ARID2: variants seen among roughly 807,000 people sequenced by gnomAD.
ARID2 encodes the protein AT-rich interactive domain-containing protein 2.
ARID2 carries 32 observed loss-of-function variants against 184.6 expected under a neutral mutation model. The observed-to-expected ratio is 0.17, with a 90% CI of 0.13 to 0.23. The LOEUF (loss-of-function observed/expected upper bound fraction) is 0.23. Among genes scored for constraint, ARID2 ranks in the 10% least tolerant of loss-of-function variants. ARID2 has a pLI of 1.00. For synonymous variants in ARID2, 836 were observed against 772.6 expected, an observed-to-expected ratio of 1.08 and a Z score of -1.36; for missense variants, 1,696 against 2,197.6, an observed-to-expected ratio of 0.77 and a Z score of 4.56.
intron 16 of ARID2, among the ~76,000 whole-genome samples, chr12:45,872,228 T>C (rs12319648): frequency 0.021 from 3,246 of 152,272 alleles, 123 homozygotes; most frequent in African/African-American, 0.074. Context: ...TTATTTTAGA[T>C]CTTTCTTCTT....
chr12:45,866,142 C>T (rs1943828832), intron 16 of ARID2, among the ~76,000 whole-genome samples: 1 of 151,878 alleles, frequency 6.6e-6, no homozygotes, highest in South Asian at 2.1e-4. Context: ...ATATGTAATA[C>T]TCATTAATAT....
intron 10 of ARID2, 114 bp downstream of exon 10, chr12:45,837,821 A>G: frequency 1.2e-6 from 1 of 860,098 alleles, no homozygotes; most frequent in African/African-American, 1.7e-5. Flanking sequence ...TTGAAGAGTC[A>G]TTACCTCCTC....
In ARID2 at chr12:45,850,661, T is replaced by A; in HGVS notation, c.2538T>A (p.Val846=). The part of the protein sequence containing the change: ...TSAGSQSQDT[V]IIAPPQYVTT... Reference sequence around the variant, plus strand: ...CTGGTAGCCAGTCACAAGATACTGTTATCATAGCACCCCCACAGTATGTAA... The same window carrying A: ...CTGGTAGCCAGTCACAAGATACTGTAATCATAGCACCCCCACAGTATGTAA... Residue 846 remains valine (V), a synonymous_variant, in exon 15 of 21, where the codon GTT becomes GTA. Transcript: ENST00000334344. The A allele has an allele frequency of 6.2e-7, 1 of 1,614,180 alleles. No homozygotes were observed. The highest frequency in any genetic ancestry group is 1.3e-5 in the African/African-American group (1 of 75,046).
intron 3 of ARID2, among the ~76,000 whole-genome samples, chr12:45,789,977 G>T (rs183857239): frequency 6.6e-6 from 1 of 152,016 alleles, no homozygotes; most frequent in Non-Finnish European, 1.5e-5. Context: ...AAAACAAAAC[G>T]ATTTTGTCTT....
At chr12:45,896,108 C>T (rs549806074) in intron 20 of ARID2, among the ~76,000 whole-genome samples, 6 of 152,260 alleles carry the variant, frequency 3.9e-5, no homozygotes, top group South Asian at 4.1e-4. Context: ...GTGAGTGACA[C>T]GAGGTGAGGG....
At position 45,778,119 on chromosome 12, in the gene ARID2, A is replaced by G. The variant is rs960509814; in HGVS notation, c.285-33299A>G. Among the ~76,000 whole-genome samples, 6 of 152,154 alleles carry G rather than the reference A, an allele frequency of 3.9e-5. No homozygotes were observed. In the South Asian group the frequency reaches 1.2e-3, roughly 32 times the overall value. ...TTCTCAGGGGGGCCGGGGCAGTGGA[A>G]TCGCTTGAACCCGGGAGGCAGAGTT... On this transcript the variant is annotated intron_variant, in intron 3 of 20. Coordinates refer to ENST00000334344, the MANE Select transcript of ARID2 (RefSeq NM_152641.4).
At chr12:45,804,743 T>C (rs1379894448) in intron 3 of ARID2, among the ~76,000 whole-genome samples, 2 of 152,076 alleles carry the variant, frequency 1.3e-5, no homozygotes, top group African/African-American at 4.8e-5. Flanking sequence ...TAATACATCA[T>C]CTAAACCCCC....
chr12:45,736,695 A>G (rs1162728275), intron 3 of ARID2, among the ~76,000 whole-genome samples: 2 of 152,210 alleles, frequency 1.3e-5, no homozygotes. Flanking sequence ...AGGGCCAACT[A>G]GAGTTTGTAC....
At chr12:45,900,201 C>T (rs1243351700) in intron 20 of ARID2, among the ~76,000 whole-genome samples, 3 of 152,134 alleles carry the variant, frequency 2.0e-5, no homozygotes, top group African/African-American at 7.2e-5. Context: ...GCTGGAACTA[C>T]AGGCTCCCAC....
rs117966201 is a variant in ARID2, at chr12:45,884,976, C to T, written c.4923-6804C>T. ...CAGCAATATTTTGTTTCCAAGAATACCAGTACTGATTTTCAGTTTTCCAGT... is the reference window on the plus strand; with the variant it reads ...CAGCAATATTTTGTTTCCAAGAATATCAGTACTGATTTTCAGTTTTCCAGT... On this transcript the variant is annotated intron_variant, in intron 16 of 20. Transcript: ENST00000334344. Among the ~76,000 whole-genome samples the T allele has an allele frequency of 2.0e-4, 31 of 152,102 alleles. No homozygotes were observed. The East Asian group carries it at 2.7e-3, about 13-fold the overall frequency.
Position 45,906,261 on chromosome 12 carries a change from T to C in ARID2, c.*1183T>C, listed in dbSNP as rs1944529610. On this transcript the variant is annotated 3_prime_UTR_variant, in exon 21 of 21. Coordinates refer to ENST00000334344, the MANE Select transcript of ARID2 (RefSeq NM_152641.4). ...TATCTTAATATAGTGTGGAATTTTA[T>C]TGTATTATTCTTCCATTCTTAATAC... The C allele has an allele frequency of 4.3e-6, 1 of 233,006 alleles. No homozygotes were observed. The highest frequency in any genetic ancestry group is 1.8e-4 in the South Asian group (1 of 5,526). 14.4% of individuals were successfully genotyped at this position (233,006 alleles called of 1,614,324 possible). A position where few individuals can be genotyped will look rare whatever the true frequency, so the allele number is the denominator to read the frequency against.
At position 45,852,872 on chromosome 12, in the gene ARID2, A is replaced by G. The variant is rs1295342175; in HGVS notation, c.4749A>G (p.Thr1583=). 1.6e-5 allele frequency: 26 copies of G among 1,601,532 alleles called. No homozygotes were observed. The highest frequency in any genetic ancestry group is 2.1e-5 in the Non-Finnish European group (25 of 1,172,634). ...AVQQKQQHPP[T]YVQNVVPQNT... ...AGCAAAAGCAACAGCATCCACCAAC[A>G]TATGTACAGAATGTGGTCCCGCAGG... The change falls in exon 15 of 21, where the codon ACA becomes ACG. Residue 1583 remains threonine, a synonymous_variant. Coordinates refer to ENST00000334344, the MANE Select transcript of ARID2 (RefSeq NM_152641.4).
In ARID2 at chr12:45,906,029, A is replaced by G. The variant is rs1487684428; in HGVS notation, c.*951A>G. The G allele has an allele frequency of 8.8e-6, 2 of 226,502 alleles. No homozygotes were observed. Among genetic ancestry groups the G allele is most frequent in the East Asian group, 1.2e-4 (2 of 16,194 alleles). The allele number at this position is 226,502 out of a possible 1,614,324, so 14.0% of individuals were successfully genotyped here. ...AGTATGGAATAATATATCTCATGTC[A>G]TTTTTTAGAAGAAAAACTATTTGAA... On this transcript the variant is annotated 3_prime_UTR_variant, in exon 21 of 21. Coordinates refer to ENST00000334344, the MANE Select transcript of ARID2 (RefSeq NM_152641.4).
chr12:45,847,245 C>T (rs935632320), intron 12 of ARID2, among the ~76,000 whole-genome samples: 1 of 151,994 alleles, frequency 6.6e-6, no homozygotes, highest in Non-Finnish European at 1.5e-5. Context: ...GTAGAAAGTA[C>T]AGTTTGTCAG....
chr12:45,864,117 A>G (rs1353376922), intron 16 of ARID2, among the ~76,000 whole-genome samples: 3 of 152,066 alleles, frequency 2.0e-5, no homozygotes, highest in African/African-American at 4.8e-5. Context: ...TCAGCCTCCC[A>G]AAGTGCTGGG....
chr12:45,885,144 A>AT lies in ARID2; in HGVS notation c.4923-6630dup, dbSNP rs569543793. Among the ~76,000 whole-genome samples the AT allele has an allele frequency of 7.9e-5, 12 of 151,290 alleles. No homozygotes were observed. The South Asian group carries it at 1.7e-3, about 21-fold the overall frequency. On this transcript the variant is annotated intron_variant, in intron 16 of 20. Coordinates refer to ENST00000334344, the MANE Select transcript of ARID2 (RefSeq NM_152641.4). ...AGCCTCTCACCAAGGTTGTTGGTAT[A>AT]TTTTTTCCCCAGAATTTTAGCAGCT...
intron 3 of ARID2, among the ~76,000 whole-genome samples, chr12:45,756,376 G>A (rs1427449359): frequency 6.6e-6 from 1 of 151,408 alleles, no homozygotes. Flanking sequence ...GGGCTTTTTT[G>A]TTACTTAGAA....
chr12:45,815,739 G>A (rs910806331), intron 4 of ARID2, among the ~76,000 whole-genome samples: 3 of 152,094 alleles, frequency 2.0e-5, no homozygotes, highest in Admixed American at 6.6e-5. Flanking sequence ...AAAGCTCACT[G>A]GAAACTGGAC....
chr12:45,747,650 A>C (rs924295752), intron 3 of ARID2, among the ~76,000 whole-genome samples: 1 of 152,192 alleles, frequency 6.6e-6, no homozygotes, highest in South Asian at 2.1e-4. Flanking sequence ...AACTTACAGA[A>C]TTAATAGTAT....
Sources: allele counts gnomAD v4.1 joint callset (sites outside exome capture counted in the v4.1 genomes callset), GRCh38; gene constraint gnomAD v4.1.1; transcripts MANE v1.5; gene names NCBI Gene and HGNC (gene_info 2026-07-23, HGNC 2026-07-21).